Variants in CSNK2A2IP observed in about 807,000 individuals in gnomAD.
CSNK2A2IP encodes the protein casein kinase II subunit alpha'-interacting protein.
the CSNK2A2IP span, among the ~76,000 whole-genome samples, chr3:88,433,992 G>A: frequency 2.0e-5 from 3 of 152,074 alleles, no homozygotes; most frequent in Admixed American, 6.6e-5. Flanking sequence ...TAAAAAATGT[G>A]TTATTTTTGA....
At chr3:88,435,117 C>T in the CSNK2A2IP span, among the ~76,000 whole-genome samples, 1 of 152,126 alleles carries the variant, frequency 6.6e-6, no homozygotes, top group East Asian at 1.9e-4. Flanking sequence ...CTGTTGTTTG[C>T]CTGCAAATAC....
At chr3:88,366,047 T>G in the CSNK2A2IP span, among the ~76,000 whole-genome samples, 1 of 152,128 alleles carries the variant, frequency 6.6e-6, no homozygotes, top group Non-Finnish European at 1.5e-5. Context: ...CCCAACGAGA[T>G]TATAATGTGA....
At chr3:88,459,087 GT>G in the CSNK2A2IP span, among the ~76,000 whole-genome samples, 1 of 151,770 alleles carries the variant, frequency 6.6e-6, no homozygotes, top group Admixed American at 6.6e-5. Context: ...CCAATGATAA[GT>G]TTTCTATTTA....
the CSNK2A2IP span, chr3:88,399,775 C>T: frequency 3.3e-5 from 5 of 152,172 alleles, no homozygotes; most frequent in African/African-American, 1.2e-4. Flanking sequence ...AAACCTGCCC[C>T]TAAATGAGGT....
chr3:88,453,388 CAATTTTATATTGCATATTCTGAGTATT>C, the CSNK2A2IP span, among the ~76,000 whole-genome samples: 1 of 151,984 alleles, frequency 6.6e-6, no homozygotes, highest in African/African-American at 2.4e-5. Flanking sequence ...TAAAAAGAAA[CAATTTTATATTGCATATTCTGAGTATT>C]AAGTTAAGTA....
chr3:88,367,831 C>T, the CSNK2A2IP span, among the ~76,000 whole-genome samples: 3 of 152,006 alleles, frequency 2.0e-5, no homozygotes, highest in Admixed American at 6.6e-5. Context: ...ATTTGGAACG[C>T]ACTTATTAAA....
At chr3:88,413,580 A>G in the CSNK2A2IP span, among the ~76,000 whole-genome samples, 1 of 151,882 alleles carries the variant, frequency 6.6e-6, no homozygotes, top group Non-Finnish European at 1.5e-5. Flanking sequence ...ATTCACGCCT[A>G]CTTTTGGAAG....
chr3:88,420,462 G>T, the CSNK2A2IP span, among the ~76,000 whole-genome samples: 1 of 152,066 alleles, frequency 6.6e-6, no homozygotes, highest in Non-Finnish European at 1.5e-5. Flanking sequence ...GGGATCTCTT[G>T]AGAAAGACTT....
At chr3:88,424,672 G>A in the CSNK2A2IP span, among the ~76,000 whole-genome samples, 21 of 152,142 alleles carry the variant, frequency 1.4e-4, no homozygotes, top group Non-Finnish European at 2.9e-5. Context: ...TTCAGCTCTT[G>A]TTAGTGAAGT....
chr3:88,349,625 G>A, the CSNK2A2IP span, among the ~76,000 whole-genome samples: 4 of 152,086 alleles, frequency 2.6e-5, no homozygotes, highest in Non-Finnish European at 2.9e-5. Flanking sequence ...TTCATATAAT[G>A]ACTTCTTTTT....
the CSNK2A2IP span, among the ~76,000 whole-genome samples, chr3:88,454,552 T>G: frequency 8.5e-5 from 13 of 152,050 alleles, no homozygotes; most frequent in Admixed American, 8.5e-4. Flanking sequence ...GTTTTAGGTT[T>G]TACAGTAGAT....
chr3:88,375,810 C>T, the CSNK2A2IP span, among the ~76,000 whole-genome samples: 1 of 151,798 alleles, frequency 6.6e-6, no homozygotes, highest in African/African-American at 2.4e-5. Flanking sequence ...TCCTGACCCA[C>T]ATATTCACTC....
chr3:88,405,583 T>A, the CSNK2A2IP span, among the ~76,000 whole-genome samples: 2 of 152,318 alleles, frequency 1.3e-5, no homozygotes, highest in African/African-American at 2.4e-5. Flanking sequence ...CTAGGAATAA[T>A]AATAGCTTAG....
chr3:88,340,169 CT>C, the CSNK2A2IP span, among the ~76,000 whole-genome samples: 1 of 151,670 alleles, frequency 6.6e-6, no homozygotes, highest in Non-Finnish European at 1.5e-5. Context: ...ATTTTCTTTC[CT>C]TTTTTCAAAA....
At chr3:88,413,731 A>T in the CSNK2A2IP span, among the ~76,000 whole-genome samples, 3 of 152,034 alleles carry the variant, frequency 2.0e-5, no homozygotes, top group South Asian at 4.1e-4. Context: ...AGTGTTTTTA[A>T]TATTTTTCAA....
chr3:88,464,449 C>T, the CSNK2A2IP span, among the ~76,000 whole-genome samples: 1 of 150,484 alleles, frequency 6.6e-6, no homozygotes, highest in Non-Finnish European at 1.5e-5. Flanking sequence ...AGGGTGAGAG[C>T]AAAAGAAAAA....
chr3:88,366,539 T>C, the CSNK2A2IP span, among the ~76,000 whole-genome samples: 3 of 152,170 alleles, frequency 2.0e-5, no homozygotes, highest in East Asian at 1.9e-4. Flanking sequence ...CCTCAAGCTA[T>C]AATTCTGTGT....
the CSNK2A2IP span, among the ~76,000 whole-genome samples, chr3:88,405,243 T>C: frequency 8.5e-5 from 13 of 152,194 alleles, no homozygotes; most frequent in Admixed American, 1.3e-4. Flanking sequence ...TTGAATAAAG[T>C]TGGTCTTATC....
At chr3:88,375,224 T>C in the CSNK2A2IP span, among the ~76,000 whole-genome samples, 4 of 151,712 alleles carry the variant, frequency 2.6e-5, no homozygotes, top group Non-Finnish European at 3.0e-5. Context: ...AGAAAATCTG[T>C]TCAATAAAAA....
Sources: gnomAD v4.1 joint callset for allele counts (sites outside exome capture counted in the v4.1 genomes callset) on GRCh38, gnomAD v4.1.1 for gene constraint, MANE v1.5 for transcripts, NCBI Gene and HGNC (gene_info 2026-07-23, HGNC 2026-07-21) for gene names.